Variants in ADAM12 observed in about 807,000 individuals in gnomAD.
The protein encoded by ADAM12 is disintegrin and metalloproteinase domain-containing protein 12.
ADAM12 carries 70 observed loss-of-function variants against 106.4 expected under a neutral mutation model. The observed-to-expected ratio is 0.66, with a 90% CI of 0.54 to 0.80. The LOEUF is 0.80. Among genes scored for constraint, ADAM12 ranks in the 30% least tolerant of loss-of-function variants. The pLI is 0.00. For missense variants in ADAM12, 1,010 were observed against 1,171.9 expected, an observed-to-expected ratio of 0.86 and a Z score of 2.02; for synonymous variants, 420 against 433.5, an observed-to-expected ratio of 0.97 and a Z score of 0.39.
intron 2 of ADAM12, among the ~76,000 whole-genome samples, chr10:126,309,286 G>A (rs937678098): frequency 6.6e-6 from 1 of 152,192 alleles, no homozygotes; most frequent in African/African-American, 2.4e-5. Context: ...GACTGTAGCT[G>A]TTGTCAGCCA....
intron 2 of ADAM12, among the ~76,000 whole-genome samples, chr10:126,293,575 G>GTGGTGTGACCT (rs1960245874): frequency 6.6e-6 from 1 of 152,168 alleles, no homozygotes; most frequent in Non-Finnish European, 1.5e-5. Context: ...CTGGAGTGCA[G>GTGGTGTGACCT]TGGTGTGACC....
At chr10:126,129,994 TG>T (rs1334660401) in intron 5 of ADAM12, among the ~76,000 whole-genome samples, 1 of 152,216 alleles carries the variant, frequency 6.6e-6, no homozygotes, top group African/African-American at 2.4e-5. Flanking sequence ...CCTGTGTTTT[TG>T]AAGCAATGTG....
At chr10:126,187,003 T>A (rs1957410861) in intron 3 of ADAM12, among the ~76,000 whole-genome samples, 6 of 152,224 alleles carry the variant, frequency 3.9e-5, no homozygotes, top group Admixed American at 3.9e-4. Context: ...TCTCCAACTT[T>A]GGATTCCAAA....
At chr10:126,258,568 G>A (rs113517119) in intron 3 of ADAM12, among the ~76,000 whole-genome samples, 79 of 152,280 alleles carry the variant, frequency 5.2e-4, no homozygotes, top group African/African-American at 8.2e-4. Flanking sequence ...GCAGGGTGGC[G>A]TCTGAAACCT....
intron 3 of ADAM12, among the ~76,000 whole-genome samples, chr10:126,270,672 T>C (rs1475417704): frequency 6.6e-6 from 1 of 152,102 alleles, no homozygotes; most frequent in African/African-American, 2.4e-5. Flanking sequence ...CGCCAGGCAT[T>C]GCCCCTTTTA....
intron 3 of ADAM12, among the ~76,000 whole-genome samples, chr10:126,261,446 G>C (rs557507928): frequency 6.6e-6 from 1 of 152,222 alleles, no homozygotes; most frequent in Admixed American, 6.5e-5. Flanking sequence ...AGGAAGAGCA[G>C]TATATTATCT....
chr10:126,120,839 T>C (rs968934668), intron 5 of ADAM12, among the ~76,000 whole-genome samples: 2 of 146,492 alleles, frequency 1.4e-5, no homozygotes, highest in Non-Finnish European at 3.0e-5. Flanking sequence ...TCTATGTAAA[T>C]GGAATGAGGT....
intron 11 of ADAM12, among the ~76,000 whole-genome samples, chr10:126,093,062 C>T (rs925830672): frequency 2.6e-5 from 4 of 152,202 alleles, no homozygotes; most frequent in Non-Finnish European, 4.4e-5. Flanking sequence ...AGAGCACTTG[C>T]CTCTTGCCCC....
intron 5 of ADAM12, among the ~76,000 whole-genome samples, chr10:126,119,048 T>A (rs1187774954): frequency 6.6e-6 from 1 of 152,190 alleles, no homozygotes; most frequent in Non-Finnish European, 1.5e-5. Flanking sequence ...AAATTTATAT[T>A]TTTTTATTTA....
At chr10:126,158,391 GGAGAGGATGCACAGAGCACGGA>G (rs1316587465) in intron 3 of ADAM12, among the ~76,000 whole-genome samples, 1 of 80,270 alleles carries the variant, frequency 1.2e-5, no homozygotes, top group African/African-American at 3.9e-5. Flanking sequence ...CAGAGCATGG[GGAGAGGATGCACAGAGCACGGA>G]GAGAGGATGC....
At chr10:126,298,778 T>C (rs1375375389) in intron 2 of ADAM12, among the ~76,000 whole-genome samples, 1 of 152,100 alleles carries the variant, frequency 6.6e-6, no homozygotes, top group Non-Finnish European at 1.5e-5. Flanking sequence ...AGATGCGGTA[T>C]ATTAAAAAGA....
chr10:126,041,934 G>C, intron 18 of ADAM12: 4 of 1,415,052 alleles, frequency 2.8e-6, no homozygotes, highest in Non-Finnish European at 3.7e-6. Flanking sequence ...GGAAGTCGCT[G>C]CCCTTCCTTG....
intron 3 of ADAM12, among the ~76,000 whole-genome samples, chr10:126,200,202 G>C (rs1298976784): frequency 6.6e-6 from 1 of 152,188 alleles, no homozygotes. Context: ...CTCACACGGG[G>C]ACTGGATGGT....
intron 8 of ADAM12, among the ~76,000 whole-genome samples, chr10:126,107,960 G>A (rs1955804938): frequency 6.6e-6 from 1 of 152,224 alleles, no homozygotes; most frequent in South Asian, 2.1e-4. Context: ...CCGGCCCGCA[G>A]TGTGAGGAGC....
At chr10:126,046,025 G>A in intron 17 of ADAM12, 30 bp downstream of exon 17, 2 of 1,593,618 alleles carry the variant, frequency 1.3e-6, no homozygotes, top group South Asian at 1.1e-5. Flanking sequence ...GTTATGGGCT[G>A]GCTGTAAAAG....
At chr10:126,108,055 T>G (rs1379473074) in intron 8 of ADAM12, among the ~76,000 whole-genome samples, 1 of 152,232 alleles carries the variant, frequency 6.6e-6, no homozygotes, top group African/African-American at 2.4e-5. Flanking sequence ...AAGGTGAGTT[T>G]CTGACCTACT....
chr10:126,041,967 G>A (rs1370453073), intron 18 of ADAM12: 9 of 1,430,472 alleles, frequency 6.3e-6, no homozygotes, highest in Non-Finnish European at 7.3e-6. Context: ...AGACGTGCCT[G>A]GTAGGCTGGA....
At chr10:126,119,247 T>C (rs1437485899) in intron 5 of ADAM12, among the ~76,000 whole-genome samples, 1 of 152,188 alleles carries the variant, frequency 6.6e-6, no homozygotes, top group Non-Finnish European at 1.5e-5. Flanking sequence ...CTGGAAGCTC[T>C]GGGTTTGAGT....
intron 10 of ADAM12, among the ~76,000 whole-genome samples, chr10:126,097,125 A>G (rs1230243102): frequency 6.6e-6 from 1 of 152,236 alleles, no homozygotes; most frequent in African/African-American, 2.4e-5. Context: ...TATGATGCCA[A>G]CTTGAAGTGG....
Sources: gnomAD v4.1 joint callset for allele counts (sites outside exome capture counted in the v4.1 genomes callset) on GRCh38, gnomAD v4.1.1 for gene constraint, MANE v1.5 for transcripts, NCBI Gene and HGNC (gene_info 2026-07-23, HGNC 2026-07-21) for gene names.